The following ADGRL3 variants were observed in gnomAD, a reference collection of about 807,000 sequenced individuals.
ADGRL3 encodes calcium-independent alpha-latrotoxin receptor 3.
ADGRL3 carries 62 observed loss-of-function variants against 153.5 expected under a neutral mutation model. The ratio of observed to expected loss-of-function variants is 0.40; its 90% confidence interval spans 0.33 to 0.50. The LOEUF (loss-of-function observed/expected upper bound fraction) is 0.50, where lower values mean the gene tolerates loss of function less well. ADGRL3 is among the 20% of genes least tolerant of loss of function. ADGRL3 has a pLI of 0.47. For synonymous variants in ADGRL3, 710 were observed against 672.5 expected, an observed-to-expected ratio of 1.06 and a Z score of -0.86; for missense variants, 1,641 against 1,859.4, an observed-to-expected ratio of 0.88 and a Z score of 2.16.
intron 18 of ADGRL3, among the ~76,000 whole-genome samples, chr4:61,980,638 G>A (rs545310089): frequency 2.0e-4 from 31 of 151,586 alleles, no homozygotes; most frequent in African/African-American, 3.4e-4. Context: ...ACAAGGTTTC[G>A]CCATGTTGTT....
At chr4:61,834,943 T>A (rs7663878) in intron 9 of ADGRL3, among the ~76,000 whole-genome samples, 1 of 152,276 alleles carries the variant, frequency 6.6e-6, no homozygotes, top group East Asian at 1.9e-4. Context: ...TGCAGATGTT[T>A]CCATATCTTC....
chr4:61,429,299 T>C (rs753831539), intron 2 of ADGRL3, among the ~76,000 whole-genome samples: 1 of 152,112 alleles, frequency 6.6e-6, no homozygotes, highest in Non-Finnish European at 1.5e-5. Context: ...ACACAACCCT[T>C]GAGTTGTTTT....
At chr4:61,306,533 C>G (rs13119161) in intron 1 of ADGRL3, among the ~76,000 whole-genome samples, 120,550 of 151,996 alleles carry the variant, frequency 0.79, 47,996 homozygotes, top group East Asian at 0.98. Flanking sequence ...GTTTTAAAAC[C>G]ATGGCTACTA....
At chr4:61,974,231 A>G (rs1169636852) in intron 17 of ADGRL3, among the ~76,000 whole-genome samples, 1 of 152,146 alleles carries the variant, frequency 6.6e-6, no homozygotes, top group Non-Finnish European at 1.5e-5. Flanking sequence ...GGCCTCCCAA[A>G]GCGCTGGGAT....
chr4:61,532,553 C>CACGT (rs1553956724), intron 4 of ADGRL3, among the ~76,000 whole-genome samples: 2 of 131,516 alleles, frequency 1.5e-5, no homozygotes. Flanking sequence ...CGCGCGCGCG[C>CACGT]GCGTGTGTGT....
intron 13 of ADGRL3, among the ~76,000 whole-genome samples, chr4:61,923,695 C>T (rs2098781156): frequency 6.6e-6 from 1 of 152,160 alleles, no homozygotes; most frequent in Non-Finnish European, 1.5e-5. Flanking sequence ...ATGTCAATTA[C>T]TCTAAAGAAG....
intron 6 of ADGRL3, among the ~76,000 whole-genome samples, chr4:61,707,677 T>C (rs1466073269): frequency 6.6e-6 from 1 of 152,194 alleles, no homozygotes; most frequent in Non-Finnish European, 1.5e-5. Flanking sequence ...ACCTTAGAAA[T>C]ATTTGTAAGT....
intron 25 of ADGRL3, among the ~76,000 whole-genome samples, chr4:62,062,425 T>C (rs1023267507): frequency 6.6e-6 from 1 of 152,102 alleles, no homozygotes; most frequent in Non-Finnish European, 1.5e-5. Flanking sequence ...ATAGCTTGTG[T>C]TTTCATCCTC....
intron 24 of ADGRL3, among the ~76,000 whole-genome samples, chr4:62,042,673 C>T (rs1729013183): frequency 6.6e-6 from 1 of 152,074 alleles, no homozygotes; most frequent in South Asian, 2.1e-4. Context: ...GTTACTTCCT[C>T]AGTCTGCATT....
intron 4 of ADGRL3, among the ~76,000 whole-genome samples, chr4:61,559,712 G>A (rs1019756028): frequency 3.3e-5 from 5 of 152,020 alleles, no homozygotes; most frequent in East Asian, 1.9e-4. Flanking sequence ...AAGCATGAGC[G>A]AAATATTTGT....
At chr4:61,291,515 A>C (rs535429312) in intron 1 of ADGRL3, among the ~76,000 whole-genome samples, 2 of 114,608 alleles carry the variant, frequency 1.7e-5, no homozygotes, top group East Asian at 5.4e-4. Context: ...GAGTTGGGGG[A>C]TGGTGGTCCT....
intron 10 of ADGRL3, 29 bp from the exon 11 acceptor site, chr4:61,895,702 A>G: frequency 8.2e-7 from 1 of 1,218,956 alleles, no homozygotes; most frequent in Non-Finnish European, 1.2e-6. Flanking sequence ...TAAGAAAAAG[A>G]AACAGATACA....
At chr4:61,228,841 G>T (rs973446287) in intron 1 of ADGRL3, among the ~76,000 whole-genome samples, 2 of 152,196 alleles carry the variant, frequency 1.3e-5, no homozygotes, top group South Asian at 4.1e-4. Context: ...ACAGGAACCT[G>T]CCACCATACC....
intron 9 of ADGRL3, among the ~76,000 whole-genome samples, chr4:61,840,240 C>T (rs112370948): frequency 1.3e-5 from 2 of 152,038 alleles, no homozygotes; most frequent in African/African-American, 4.8e-5. Context: ...CCACCATGTC[C>T]GGCTAATTTT....
chr4:61,317,351 T>C (rs2095246668), intron 1 of ADGRL3, among the ~76,000 whole-genome samples: 1 of 152,174 alleles, frequency 6.6e-6, no homozygotes, highest in Admixed American at 6.5e-5. Flanking sequence ...TGTGGAACCA[T>C]ATGAAAGTAC....
intron 8 of ADGRL3, among the ~76,000 whole-genome samples, chr4:61,773,612 T>C (rs556542683): frequency 6.6e-6 from 1 of 152,354 alleles, no homozygotes; most frequent in East Asian, 1.9e-4. Flanking sequence ...ATTCTTGATA[T>C]TTTAATTTCT....
chr4:61,985,497 T>C (rs565031621), intron 19 of ADGRL3, among the ~76,000 whole-genome samples: 1 of 152,168 alleles, frequency 6.6e-6, no homozygotes, highest in South Asian at 2.1e-4. Context: ...CAAGCAGCAG[T>C]GTAGGCTCAG....
intron 2 of ADGRL3, among the ~76,000 whole-genome samples, chr4:61,397,063 A>T (rs2096876788): frequency 1.3e-5 from 2 of 151,620 alleles, no homozygotes; most frequent in Admixed American, 6.6e-5. Context: ...ACTATAAAAT[A>T]ATACAAAACA....
At chr4:61,326,062 A>G (rs1012715928) in intron 1 of ADGRL3, among the ~76,000 whole-genome samples, 8 of 152,286 alleles carry the variant, frequency 5.3e-5, no homozygotes, top group African/African-American at 1.9e-4. Context: ...GTTTGATTCC[A>G]ACACCTATGA....
Sources: gnomAD v4.1 joint callset for allele counts (sites outside exome capture counted in the v4.1 genomes callset) on GRCh38, gnomAD v4.1.1 for gene constraint, MANE v1.5 for transcripts, NCBI Gene and HGNC (gene_info 2026-07-23, HGNC 2026-07-21) for gene names.